The following DDX17 variants were observed in gnomAD, a reference collection of about 807,000 sequenced individuals.
DDX17 encodes DEAD-box helicase 17, also known as probable ATP-dependent RNA helicase DDX17.
Under a neutral mutation model 80.8 loss-of-function variants are expected in DDX17, and 10 were observed. That is an observed-to-expected ratio of 0.12 (90% CI 0.08 to 0.21). DDX17 has a LOEUF of 0.21. DDX17 is among the 10% of genes least tolerant of loss of function. DDX17 has a pLI of 1.00. For missense variants in DDX17, 586 were observed against 957.4 expected, an observed-to-expected ratio of 0.61 and a Z score of 5.12; for synonymous variants, 339 against 336.2, an observed-to-expected ratio of 1.01 and a Z score of -0.09.
At position 38,489,775 on chromosome 22, in the gene DDX17, T is replaced by C; in HGVS notation, c.1448-1660A>G. On this transcript the variant is annotated intron_variant, in intron 11 of 12. Coordinates refer to ENST00000403230, the MANE Select transcript of DDX17 (RefSeq NM_006386.5). The surrounding 1 kb of genome is among the most constrained non-coding windows in gnomAD (Gnocchi z 4.6). ...AAGGCACTTATCACAGGGGGCAGCT[T>C]GAGTCTCCGGCTAGGGTCGTTGACG... The C allele has an allele frequency of 1.0e-6, 1 of 985,494 alleles. No individual in the cohort carries two copies. Among genetic ancestry groups the C allele is most frequent in the Non-Finnish European group, 1.2e-6 (1 of 830,044 alleles). The allele number at this position is 985,494 out of a possible 1,614,324, so 61.0% of individuals were successfully genotyped here.
intron 11 of DDX17, chr22:38,491,775 G>T: frequency 3.2e-6 from 1 of 316,452 alleles, no homozygotes. Flanking sequence ...CTCTCCCTCT[G>T]TTTGAATAGT....
intron 6 of DDX17, among the ~76,000 whole-genome samples, 155 bp from the exon 7 acceptor site, chr22:38,495,201 A>T (rs1057420770): frequency 6.6e-5 from 10 of 151,784 alleles, no homozygotes; most frequent in African/African-American, 2.4e-4. Context: ...ACAAAAATGC[A>T]GCAGCAGCAG....
In DDX17 at chr22:38,506,287, C is replaced by G. The variant is rs750209618; in HGVS notation, c.-50G>C. 4 of 1,511,550 alleles carry G rather than the reference C, an allele frequency of 2.6e-6. No individual in the cohort carries two copies. Among genetic ancestry groups the G allele is most frequent in the Non-Finnish European group, 3.5e-6 (4 of 1,132,488 alleles). 93.6% of individuals were successfully genotyped at this position (1,511,550 alleles called of 1,614,324 possible). Reference sequence around the variant, plus strand: ...GTGCCGCGGTTTAGGCGTCTCCTTCCTTCCCAGCGACTGCACAAAATGGCG... The same window carrying G: ...GTGCCGCGGTTTAGGCGTCTCCTTCGTTCCCAGCGACTGCACAAAATGGCG... On this transcript the variant is annotated 5_prime_UTR_variant, in exon 1 of 13. Transcript: ENST00000403230.
intron 1 of DDX17, among the ~76,000 whole-genome samples, chr22:38,503,223 G>A (rs1035870933): frequency 6.6e-6 from 1 of 152,096 alleles, no homozygotes; most frequent in Non-Finnish European, 1.5e-5. Flanking sequence ...TGCCGCTCCC[G>A]CCACACTTGC....
chr22:38,498,847 C>T (rs1479508253), intron 3 of DDX17, among the ~76,000 whole-genome samples: 1 of 152,090 alleles, frequency 6.6e-6, no homozygotes, highest in Non-Finnish European at 1.5e-5. Context: ...TGAACCCTGT[C>T]TCTACTAAAA....
In DDX17 at chr22:38,485,947, AGGAGGAGGAGGG is replaced by A; in HGVS notation, c.2166_2177del (p.Pro723_Pro726del). On this transcript the variant is annotated inframe_deletion, in exon 13 of 13. Transcript: ENST00000403230. ...CACTTGAGTGGTTTCATTTACGTGA[AGGAGGAGGAGGG>A]GGAGGAGGAGGAGGGTATTGGTAGG... The A allele has an allele frequency of 1.2e-6, 2 of 1,613,074 alleles. No homozygotes were observed. The highest frequency in any genetic ancestry group is 2.2e-5 in the East Asian group (1 of 44,860).
In DDX17 at chr22:38,501,117, C is replaced by A; in HGVS notation, c.438+13G>T. Reference sequence around the variant, plus strand: ...TCAATAATCTGTACATTAAAACACACATGTAAACTTACTGGTGTCAGCCTT... The same window carrying A: ...TCAATAATCTGTACATTAAAACACAAATGTAAACTTACTGGTGTCAGCCTT... On this transcript the variant is annotated intron_variant, in intron 2 of 12. Coordinates refer to ENST00000403230, the MANE Select transcript of DDX17 (RefSeq NM_006386.5). 4 of 1,613,158 alleles carry A rather than the reference C, an allele frequency of 2.5e-6. No individual in the cohort carries two copies. In the South Asian group the frequency reaches 4.4e-5, roughly 18 times the overall value.
intron 11 of DDX17, chr22:38,490,463 T>C: frequency 7.8e-7 from 1 of 1,287,764 alleles, no homozygotes; most frequent in Non-Finnish European, 1.0e-6. Flanking sequence ...CAAAATAAAT[T>C]CAATACTTTT....
At position 38,485,507 on chromosome 22, in the gene DDX17, T is replaced by C. The variant is rs571593660; in HGVS notation, c.*428A>G. Reference sequence around the variant, plus strand: ...ATTTAAAGCACAGATGCCATCTTCCTCTGCAAAACAATTCAGCCCTCCCCC... The same window carrying C: ...ATTTAAAGCACAGATGCCATCTTCCCCTGCAAAACAATTCAGCCCTCCCCC... On this transcript the variant is annotated 3_prime_UTR_variant, in exon 13 of 13. Coordinates refer to ENST00000403230, the MANE Select transcript of DDX17 (RefSeq NM_006386.5). The C allele has an allele frequency of 1.3e-5, 2 of 152,238 alleles. No individual in the cohort carries two copies. The highest frequency in any genetic ancestry group is 3.9e-4 in the East Asian group (2 of 5,170). The allele number at this position is 152,238 out of a possible 1,614,324, so 9.4% of individuals were successfully genotyped here.
intron 1 of DDX17, chr22:38,505,390 AC>A (rs2089870105): frequency 6.6e-6 from 1 of 152,452 alleles, no homozygotes; most frequent in Middle Eastern, 3.1e-3. Context: ...ATTTCCTCCG[AC>A]TTAAAATATA....
At position 38,506,240 on chromosome 22, in the gene DDX17, T is replaced by A; in HGVS notation, c.-3A>T. The A allele has an allele frequency of 6.2e-7, 1 of 1,600,818 alleles. No individual in the cohort carries two copies. The highest frequency in any genetic ancestry group is 8.5e-7 in the Non-Finnish European group (1 of 1,174,710). Reference sequence around the variant, plus strand: ...GGGGCTACAAAGCCGGTGGGCAGGTTTGGCTACGCTCAAACCGGGCAGTGC... The same window carrying A: ...GGGGCTACAAAGCCGGTGGGCAGGTATGGCTACGCTCAAACCGGGCAGTGC... On this transcript the variant is annotated 5_prime_UTR_variant, in exon 1 of 13. Coordinates refer to ENST00000403230, the MANE Select transcript of DDX17 (RefSeq NM_006386.5).
chr22:38,495,246 A>AT (rs138442), intron 6 of DDX17, among the ~76,000 whole-genome samples, 200 bp from the exon 7 acceptor site: 10,538 of 130,538 alleles, frequency 0.081, 778 homozygotes, highest in African/African-American at 0.16. Flanking sequence ...CAGAGAAGCT[A>AT]TTTTTTTTTT....
chr22:38,488,686 T>C, intron 11 of DDX17: 4 of 988,052 alleles, frequency 4.0e-6, no homozygotes, highest in Non-Finnish European at 4.8e-6. Context: ...TTTTTGCTCT[T>C]ATCTTTTTAA....
intron 1 of DDX17, 39 bp downstream of exon 1, chr22:38,505,912 C>A: frequency 1.3e-6 from 2 of 1,525,082 alleles, no homozygotes; most frequent in Admixed American, 2.1e-5. Flanking sequence ...AACTCCCCCA[C>A]CCCCACGCCA....
chr22:38,491,605 T>C (rs2089714269), intron 11 of DDX17: 1 of 154,254 alleles, frequency 6.5e-6, no homozygotes, highest in African/African-American at 2.4e-5. Flanking sequence ...CTAATAAGCA[T>C]TCATAAAACT....
chr22:38,498,326 A>T, intron 4 of DDX17, 114 bp downstream of exon 4: 18 of 1,471,874 alleles, frequency 1.2e-5, no homozygotes, highest in Non-Finnish European at 1.7e-5. Flanking sequence ...TTAATAACTA[A>T]AATAGTATCT....
At chr22:38,488,350 C>G (rs1043159961) in intron 11 of DDX17, 1 of 1,391,968 alleles carries the variant, frequency 7.2e-7, no homozygotes, top group African/African-American at 1.5e-5. Context: ...CTGTAGAATC[C>G]TAAGGGAATC....
intron 2 of DDX17, 112 bp downstream of exon 2, chr22:38,501,018 T>C (rs879207111): frequency 6.7e-5 from 86 of 1,293,104 alleles, no homozygotes; most frequent in Non-Finnish European, 8.8e-5. Context: ...AAGAAAAATA[T>C]CACCACACTA....
chr22:38,503,710 C>T (rs1294283910), intron 1 of DDX17, among the ~76,000 whole-genome samples: 7 of 152,192 alleles, frequency 4.6e-5, no homozygotes, highest in African/African-American at 1.7e-4. Context: ...AAAAATTCAC[C>T]TTTGAAGTCA....
Sources: allele counts gnomAD v4.1 joint callset (sites outside exome capture counted in the v4.1 genomes callset), GRCh38; gene constraint gnomAD v4.1.1; non-coding constraint Gnocchi (gnomAD v3.1); transcripts MANE v1.5; gene names NCBI Gene and HGNC (gene_info 2026-07-23, HGNC 2026-07-21).